GMCL1: variants seen among roughly 807,000 people sequenced by gnomAD.
The protein encoded by GMCL1 is germ cell-less protein-like 1.
GMCL1 carries 54 observed loss-of-function variants against 75.5 expected under a neutral mutation model. The observed-to-expected ratio is 0.71, with a 90% CI of 0.57 to 0.90. The LOEUF is 0.90. Ranked by LOEUF, GMCL1 falls within the 40% of genes least tolerant of loss-of-function variation. The pLI, the probability that GMCL1 is intolerant of heterozygous loss-of-function variation, is 0.00. For missense variants in GMCL1, 537 were observed against 622.7 expected (o/e 0.86, Z 1.47); for synonymous variants, 210 against 209.6 (o/e 1.00, Z -0.02).
chr2:69,830,504 G>C (rs966073885), intron 1 of GMCL1, among the ~76,000 whole-genome samples: 1 of 152,234 alleles, frequency 6.6e-6, no homozygotes, highest in Non-Finnish European at 1.5e-5. Context: ...TAGCCGCAGA[G>C]TAAGTTGTTT....
At chr2:69,869,141 C>G (rs927484442) in intron 11 of GMCL1, among the ~76,000 whole-genome samples, 1 of 151,398 alleles carries the variant, frequency 6.6e-6, no homozygotes, top group Non-Finnish European at 1.5e-5. Flanking sequence ...CCCAGCTACT[C>G]AGGAGGCTGA....
intron 2 of GMCL1, among the ~76,000 whole-genome samples, chr2:69,838,510 T>A (rs1352090281): frequency 6.6e-6 from 1 of 152,180 alleles, no homozygotes; most frequent in Non-Finnish European, 1.5e-5. Context: ...ACATTTTTCC[T>A]CTTTACCATT....
At chr2:69,847,123 T>C (rs1454591718) in intron 6 of GMCL1, among the ~76,000 whole-genome samples, 1 of 151,940 alleles carries the variant, frequency 6.6e-6, no homozygotes, top group Non-Finnish European at 1.5e-5. Flanking sequence ...TGAGCCACTA[T>C]GCCTGGCCTT....
At chr2:69,833,909 T>G (rs1674744309) in intron 1 of GMCL1, among the ~76,000 whole-genome samples, 1 of 152,214 alleles carries the variant, frequency 6.6e-6, no homozygotes, top group African/African-American at 2.4e-5. Flanking sequence ...TAGTTATAAC[T>G]AAGTAAATAT....
chr2:69,843,315 T>C, intron 5 of GMCL1, 54 bp downstream of exon 5: 1 of 923,274 alleles, frequency 1.1e-6, no homozygotes, highest in East Asian at 2.5e-5. Flanking sequence ...ATTTGGTTGC[T>C]TTAGTTTCTT....
At position 69,877,057 on chromosome 2, in the gene GMCL1, G is replaced by A. The variant is rs374405328; in HGVS notation, c.1453-1852G>A. Among the ~76,000 whole-genome samples the A allele has an allele frequency of 7.4e-4, 112 of 152,260 alleles. 2 individuals carry two copies. Among genetic ancestry groups the A allele is most frequent in the Non-Finnish European group, 2.8e-4 (19 of 68,012 alleles). ...TACCCAGAAATTTATTTAATTGTCT[G>A]GAAGTAGAAATGGGGACCTAGGAAG... On this transcript the variant is annotated intron_variant, in intron 13 of 13. Transcript: ENST00000282570.
intron 4 of GMCL1, 49 bp from the exon 5 acceptor site, chr2:69,843,100 A>G: frequency 3.1e-6 from 3 of 970,066 alleles, no homozygotes; most frequent in Non-Finnish European, 4.7e-6. Context: ...GTCAGAGCTA[A>G]TTTTTCCCAC....
intron 5 of GMCL1, among the ~76,000 whole-genome samples, chr2:69,843,468 G>A (rs1398345266): frequency 1.3e-5 from 2 of 152,134 alleles, no homozygotes; most frequent in Non-Finnish European, 2.9e-5. Flanking sequence ...GTGACCATAG[G>A]TGGGTTATAT....
chr2:69,860,154 C>G (rs1675600561), intron 9 of GMCL1, among the ~76,000 whole-genome samples: 1 of 151,906 alleles, frequency 6.6e-6, no homozygotes, highest in Non-Finnish European at 1.5e-5. Context: ...GGTGCACGCA[C>G]CTAATTTTTG....
At chr2:69,839,412 A>T (rs773366240) in intron 2 of GMCL1, 45 bp from the exon 3 acceptor site, 2 of 1,154,910 alleles carry the variant, frequency 1.7e-6, no homozygotes, top group East Asian at 4.8e-5. Context: ...AATTTGGAAG[A>T]CACAGAAAGT....
Position 69,839,588 on chromosome 2 carries a change from C to T in GMCL1, c.481+35C>T, listed in dbSNP as rs148712926. 2.2e-4 allele frequency: 273 copies of T among 1,216,858 alleles called. No homozygotes were observed. The East Asian group carries it at 3.6e-3, about 16-fold the overall frequency. 75.4% of individuals were successfully genotyped at this position (1,216,858 alleles called of 1,614,324 possible). A position where few individuals can be genotyped will look rare whatever the true frequency, so the allele number is the denominator to read the frequency against. On this transcript the variant is annotated intron_variant, in intron 3 of 13. Coordinates refer to ENST00000282570, the MANE Select transcript of GMCL1 (RefSeq NM_178439.5). ...ACAATAATTACTATTATGCAACAAT[C>T]GTAAAAACATAATCTTATTCTTCTG... is the stretch of plus-strand genomic sequence containing the variant.
chr2:69,849,002 ATTGAG>A (rs576196398), intron 7 of GMCL1, among the ~76,000 whole-genome samples: 320 of 152,210 alleles, frequency 2.1e-3, no homozygotes, highest in African/African-American at 7.4e-3. Flanking sequence ...ATTTAGTGAA[ATTGAG>A]TTGTTAGTAG....
At chr2:69,835,837 C>T (rs558838337) in intron 1 of GMCL1, among the ~76,000 whole-genome samples, 1 of 152,286 alleles carries the variant, frequency 6.6e-6, no homozygotes, top group Admixed American at 6.5e-5. Flanking sequence ...GTATCCTGAA[C>T]TGGTGAATTT....
intron 1 of GMCL1, among the ~76,000 whole-genome samples, chr2:69,835,308 C>T (rs1056764550): frequency 7.9e-5 from 12 of 152,028 alleles, no homozygotes; most frequent in Non-Finnish European, 1.8e-4. Context: ...TCTGAGTGAT[C>T]CTTTATCATA....
intron 7 of GMCL1, among the ~76,000 whole-genome samples, chr2:69,847,834 A>G (rs1675198503): frequency 6.6e-6 from 1 of 152,206 alleles, no homozygotes; most frequent in Admixed American, 6.5e-5. Flanking sequence ...TTTCTATTTT[A>G]GGAATACTTT....
At chr2:69,831,742 GACC>G (rs1230778795) in intron 1 of GMCL1, among the ~76,000 whole-genome samples, 4 of 152,102 alleles carry the variant, frequency 2.6e-5, no homozygotes, top group Non-Finnish European at 5.9e-5. Context: ...GTGTAGCTGA[GACC>G]ACAGGCATGC....
chr2:69,839,651 G>C, intron 3 of GMCL1, 98 bp downstream of exon 3: 1 of 758,562 alleles, frequency 1.3e-6, no homozygotes, highest in South Asian at 1.8e-5. Context: ...TTGTAGTCTA[G>C]AAAACTCCTT....
intron 4 of GMCL1, 97 bp from the exon 5 acceptor site, chr2:69,843,050 TTC>T: frequency 2.2e-6 from 1 of 459,490 alleles, no homozygotes; most frequent in Non-Finnish European, 3.7e-6. Flanking sequence ...CTTTTCTTTC[TTC>T]TTTTTTTTTT....
intron 4 of GMCL1, among the ~76,000 whole-genome samples, chr2:69,842,297 A>C (rs368422569): frequency 3.9e-5 from 6 of 152,158 alleles, no homozygotes; most frequent in African/African-American, 1.4e-4. Flanking sequence ...AATGGAGTCA[A>C]TGTTTTATTT....
Sources: allele counts gnomAD v4.1 joint callset (sites outside exome capture counted in the v4.1 genomes callset), GRCh38; gene constraint gnomAD v4.1.1; transcripts MANE v1.5; gene names NCBI Gene and HGNC (gene_info 2026-07-23, HGNC 2026-07-21).